GXYLT1: variants seen among roughly 807,000 people sequenced by gnomAD.
The protein encoded by GXYLT1 is glycosyltransferase 8 domain containing 3.
In GXYLT1, 29 loss-of-function variants were observed where a neutral mutation model predicts 54.0. The ratio of observed to expected loss-of-function variants is 0.54; its 90% CI spans 0.40 to 0.73. The LOEUF is 0.73. GXYLT1 is among the 30% of genes least tolerant of loss of function. GXYLT1 has a pLI of 0.00. For synonymous variants in GXYLT1, 176 were observed against 204.1 expected, an observed-to-expected ratio of 0.86 and a Z score of 1.17; for missense variants, 490 against 553.4, an observed-to-expected ratio of 0.89 and a Z score of 1.15.
At chr12:42,100,068 A>G (rs1019407927) in intron 5 of GXYLT1, among the ~76,000 whole-genome samples, 1 of 152,126 alleles carries the variant, frequency 6.6e-6, no homozygotes, top group African/African-American at 2.4e-5. Flanking sequence ...TTTTTTCTTA[A>G]TGCTCAAAAC....
chr12:42,097,439 T>C lies in GXYLT1; in HGVS notation c.1161+3A>G. On this transcript the variant is annotated splice_donor_region_variant and intron_variant, in intron 7 of 7. Transcript: ENST00000398675. The stretch of plus-strand genomic sequence containing the variant: ...GTTAAAAAAAAGGAAAGGCAAATCT[T>C]ACATTTCTCAGTGCTTCATAAACAG... 6.5e-7 allele frequency: 1 copy of C among 1,547,302 alleles called. No individual in the cohort carries two copies. Among genetic ancestry groups the C allele is most frequent in the Non-Finnish European group, 8.6e-7 (1 of 1,157,320 alleles).
chr12:42,139,268 C>T (rs1326044053), intron 1 of GXYLT1, among the ~76,000 whole-genome samples: 1 of 152,048 alleles, frequency 6.6e-6, no homozygotes, highest in African/African-American at 2.4e-5. Context: ...TAACTTTCTC[C>T]TCCAAAAGCA....
intron 3 of GXYLT1, among the ~76,000 whole-genome samples, chr12:42,114,066 G>C (rs1435362537): frequency 6.6e-6 from 1 of 152,200 alleles, no homozygotes; most frequent in African/African-American, 2.4e-5. Flanking sequence ...AAATAAACAT[G>C]TTCTTTGAAA....
chr12:42,121,543 T>C (rs1277794349), intron 2 of GXYLT1, among the ~76,000 whole-genome samples: 6 of 151,898 alleles, frequency 4.0e-5, no homozygotes, highest in Non-Finnish European at 8.8e-5. Context: ...GGTAGGAGGG[T>C]TGCTCGAGTC....
rs1592103543 is a variant in GXYLT1, at chr12:42,097,625, A to C, written c.989-11T>G. ...AAACAAAAAGGCTTTCTACATAAAGAAAAGACCAAACAATGAAGCAAATAC... is the reference window on the plus strand; with the variant it reads ...AAACAAAAAGGCTTTCTACATAAAGCAAAGACCAAACAATGAAGCAAATAC... On this transcript the variant is annotated splice_polypyrimidine_tract_variant and intron_variant, in intron 6 of 7. Coordinates refer to ENST00000398675, the MANE Select transcript of GXYLT1 (RefSeq NM_173601.2). 2 of 1,599,858 alleles carry C rather than the reference A, an allele frequency of 1.3e-6. No individual in the cohort carries two copies. Among genetic ancestry groups the C allele is most frequent in the African/African-American group, 2.7e-5 (2 of 73,992 alleles).
rs570288680 is a variant in GXYLT1, at chr12:42,117,578, C to T, written c.486+1422G>A. Among the ~76,000 whole-genome samples the T allele has an allele frequency of 2.8e-4, 42 of 151,916 alleles. 1 individual carries two copies. Among genetic ancestry groups the T allele is most frequent in the Admixed American group, 5.9e-4 (9 of 15,266 alleles). On this transcript the variant is annotated intron_variant, in intron 3 of 7. Transcript: ENST00000398675. ...TTTTACATAGACCAAGCATAAAAAT[C>T]CAAATGAATTTAAAAGCTTAATTAA...
intron 4 of GXYLT1, among the ~76,000 whole-genome samples, chr12:42,109,002 GA>G (rs961586579): frequency 8.0e-5 from 12 of 150,484 alleles, no homozygotes; most frequent in Non-Finnish European, 5.9e-5. Context: ...ATATAAAAAA[GA>G]AAAAAAAATC....
intron 2 of GXYLT1, among the ~76,000 whole-genome samples, chr12:42,129,549 A>G (rs956398660): frequency 6.6e-6 from 1 of 152,202 alleles, no homozygotes; most frequent in Admixed American, 6.5e-5. Context: ...TGTCTTAATA[A>G]CATCTAAGAA....
chr12:42,126,950 T>A (rs540528976), intron 2 of GXYLT1, among the ~76,000 whole-genome samples: 1 of 152,052 alleles, frequency 6.6e-6, no homozygotes, highest in Non-Finnish European at 1.5e-5. Flanking sequence ...CATATGATGA[T>A]ATGAATGATG....
intron 1 of GXYLT1, among the ~76,000 whole-genome samples, chr12:42,138,842 C>G (rs1171661101): frequency 6.6e-6 from 1 of 151,858 alleles, no homozygotes; most frequent in Non-Finnish European, 1.5e-5. Flanking sequence ...CTGGCCAACA[C>G]GGTGAAACCC....
At chr12:42,140,820 C>T (rs949905383) in intron 1 of GXYLT1, among the ~76,000 whole-genome samples, 3 of 152,150 alleles carry the variant, frequency 2.0e-5, no homozygotes, top group Admixed American at 2.0e-4. Flanking sequence ...TTCCCCACTA[C>T]CAATACTGCT....
intron 3 of GXYLT1, among the ~76,000 whole-genome samples, chr12:42,113,534 A>G (rs1479124786): frequency 6.6e-6 from 1 of 151,180 alleles, no homozygotes. Flanking sequence ...AGAGACAAAG[A>G]AGGCCATTAC....
At chr12:42,140,607 TCTTA>T (rs1379004447) in intron 1 of GXYLT1, among the ~76,000 whole-genome samples, 1 of 152,154 alleles carries the variant, frequency 6.6e-6, no homozygotes, top group African/African-American at 2.4e-5. Flanking sequence ...ACTCCAAAAC[TCTTA>T]CTTTCTATTC....
intron 1 of GXYLT1, 125 bp downstream of exon 1, chr12:42,144,300 AG>A: frequency 1.9e-6 from 1 of 513,628 alleles, no homozygotes; most frequent in Non-Finnish European, 3.0e-6. Flanking sequence ...GAAATGAGTG[AG>A]GGGTCAGAGA....
chr12:42,117,604 G>C (rs1457402357), intron 3 of GXYLT1, among the ~76,000 whole-genome samples: 1 of 152,108 alleles, frequency 6.6e-6, no homozygotes, highest in African/African-American at 2.4e-5. Flanking sequence ...GCTTAATTAA[G>C]TGGATAGATG....
intron 1 of GXYLT1, among the ~76,000 whole-genome samples, chr12:42,133,926 G>A (rs2065605877): frequency 6.6e-6 from 1 of 152,132 alleles, no homozygotes; most frequent in South Asian, 2.1e-4. Context: ...GCCGGGCACA[G>A]TGGCTCACAC....
At chr12:42,139,620 A>G (rs1387805948) in intron 1 of GXYLT1, among the ~76,000 whole-genome samples, 1 of 152,204 alleles carries the variant, frequency 6.6e-6, no homozygotes. Flanking sequence ...CAGAACTGTA[A>G]GAAATAAATT....
chr12:42,131,947 G>A (rs918308037), intron 1 of GXYLT1, among the ~76,000 whole-genome samples: 1 of 152,168 alleles, frequency 6.6e-6, no homozygotes, highest in African/African-American at 2.4e-5. Flanking sequence ...CACCTAATGT[G>A]TACCTTTGTT....
At chr12:42,137,762 G>GGAAAA (rs373214719) in intron 1 of GXYLT1, among the ~76,000 whole-genome samples, 2 of 107,182 alleles carry the variant, frequency 1.9e-5, no homozygotes, top group Non-Finnish European at 1.7e-5. Context: ...ATCTCAAATT[G>GGAAAA]AAAAAAAAAA....
Sources: gnomAD v4.1 joint callset for allele counts (sites outside exome capture counted in the v4.1 genomes callset) on GRCh38, gnomAD v4.1.1 for gene constraint, MANE v1.5 for transcripts, NCBI Gene and HGNC (gene_info 2026-07-23, HGNC 2026-07-21) for gene names.